The following MGST1 variants were observed in gnomAD, a reference collection of about 807,000 sequenced individuals.
The protein encoded by MGST1 is microsomal glutathione S-transferase 1.
A neutral mutation model predicts 8.9 loss-of-function variants in MGST1; 5 were observed. The observed-to-expected ratio is 0.56, with a 90% CI of 0.29 to 1.19. The LOEUF (loss-of-function observed/expected upper bound fraction) is 1.19. Ranked by LOEUF, MGST1 falls within the 50% of genes most tolerant of loss-of-function variation. MGST1 has a pLI of 0.08. For missense variants in MGST1, 182 were observed against 187.4 expected, an observed-to-expected ratio of 0.97 and a Z score of 0.17; for synonymous variants, 54 against 67.8, an observed-to-expected ratio of 0.80 and a Z score of 1.00.
chr12:16,538,827 A>G (rs1941774737), intron 4 of MGST1, among the ~76,000 whole-genome samples: 1 of 151,944 alleles, frequency 6.6e-6, no homozygotes, highest in South Asian at 2.1e-4. Context: ...CCAGGAGGGT[A>G]TCGATCTCCT....
chr12:16,552,784 G>C (rs540913581), intron 4 of MGST1, among the ~76,000 whole-genome samples: 1 of 152,114 alleles, frequency 6.6e-6, no homozygotes, highest in South Asian at 2.1e-4. Flanking sequence ...ATTCAAGTTT[G>C]GGGCTTTAAG....
In MGST1 at chr12:16,354,221, T is replaced by C. The variant is rs750710826; in HGVS notation, c.-22-10T>C. The C allele has an allele frequency of 3.2e-6, 5 of 1,555,960 alleles. No individual in the cohort carries two copies. The Admixed American group carries it at 8.5e-5, about 27-fold the overall frequency. On this transcript the variant is annotated splice_polypyrimidine_tract_variant and intron_variant, in intron 1 of 3. Coordinates refer to ENST00000396210, the MANE Select transcript of MGST1 (RefSeq NM_020300.5). The stretch of plus-strand genomic sequence containing the variant: ...TCTGCTTTTTCCCATTTTATTTAAA[T>C]CTTTTTAAGATTCCAGACCAAAATT...
In MGST1 at chr12:16,413,626, G is replaced by A. The variant is rs1450779978; in HGVS notation, n.779-23762G>A. ...AAACTCTCACTTATCCTTATAGATA[G>A]ATCTCAATTTTCTCATTTACCCTTA... On this transcript the variant is annotated intron_variant and non_coding_transcript_variant, in intron 1 of 1. Coordinates refer to the MGST1 transcript ENST00000359720. This position sits in a 1 kb window ranked among gnomAD's most constrained non-coding sequence, Gnocchi z 4.0. 6.6e-6 allele frequency among the ~76,000 whole-genome samples: 1 copy of A among 152,138 alleles called. No homozygotes were observed. Among genetic ancestry groups the A allele is most frequent in the East Asian group, 1.9e-4 (1 of 5,192 alleles).
intron 1 of MGST1, among the ~76,000 whole-genome samples, chr12:16,435,613 T>A (rs552590345): frequency 6.6e-6 from 1 of 151,970 alleles, no homozygotes; most frequent in African/African-American, 2.4e-5. Flanking sequence ...AAATATTTAT[T>A]GATCTTTTCT....
intron 4 of MGST1, among the ~76,000 whole-genome samples, chr12:16,581,779 C>G (rs1251825829): frequency 1.3e-5 from 2 of 151,910 alleles, no homozygotes; most frequent in African/African-American, 4.8e-5. Flanking sequence ...ATGCTGAACT[C>G]TAAAGCATAT....
intron 4 of MGST1, among the ~76,000 whole-genome samples, chr12:16,510,922 T>G (rs538494177): frequency 6.6e-6 from 1 of 152,178 alleles, no homozygotes; most frequent in Non-Finnish European, 1.5e-5. Flanking sequence ...TCTTTTGTAA[T>G]GGAGAATGCT....
rs1941374833 is a variant in MGST1, at chr12:16,482,981, G to C, written n.482+99377G>C. On this transcript the variant is annotated intron_variant and non_coding_transcript_variant, in intron 4 of 4. Coordinates refer to the MGST1 transcript ENST00000538857. The surrounding 1 kb of genome is among the most constrained non-coding windows in gnomAD (Gnocchi z 4.2). Reference sequence around the variant, plus strand: ...TAATGTAGGCAAGAATGTTACTTTTGGAAGGGATCCATTCTGTCATAAAAA... The same window carrying C: ...TAATGTAGGCAAGAATGTTACTTTTCGAAGGGATCCATTCTGTCATAAAAA... Among the ~76,000 whole-genome samples the C allele has an allele frequency of 6.6e-6, 1 of 152,130 alleles. No individual in the cohort carries two copies. Among genetic ancestry groups the C allele is most frequent in the Admixed American group, 6.5e-5 (1 of 15,274 alleles).
At chr12:16,437,092 G>A (rs1043565892) in intron 1 of MGST1, among the ~76,000 whole-genome samples, 47 of 152,044 alleles carry the variant, frequency 3.1e-4, no homozygotes, top group African/African-American at 1.1e-3. Flanking sequence ...GAAGCCTGGA[G>A]TACCCTGGGA....
At chr12:16,514,019 C>A in intron 4 of MGST1, 1 of 421,726 alleles carries the variant, frequency 2.4e-6, no homozygotes, top group South Asian at 2.2e-5. Context: ...CATGCTTGCT[C>A]CCATAATCCC....
At chr12:16,542,645 T>A (rs1941799368) in intron 4 of MGST1, among the ~76,000 whole-genome samples, 1 of 152,188 alleles carries the variant, frequency 6.6e-6, no homozygotes, top group Non-Finnish European at 1.5e-5. Context: ...TTCTTTTCAT[T>A]CTGTAATGGC....
chr12:16,393,167 C>T (rs1260700715), intron 1 of MGST1, among the ~76,000 whole-genome samples: 1 of 152,186 alleles, frequency 6.6e-6, no homozygotes, highest in Admixed American at 6.5e-5. Context: ...AGAGCCCCTG[C>T]CAGGCCTTTG....
chr12:16,392,274 T>A, intron 1 of MGST1, among the ~76,000 whole-genome samples: 1 of 152,198 alleles, frequency 6.6e-6, no homozygotes, highest in Non-Finnish European at 1.5e-5. Flanking sequence ...GATTGCCTCT[T>A]CACATGACGA....
At chr12:16,480,557 TAAAAGTC>T (rs1307634900) in intron 4 of MGST1, among the ~76,000 whole-genome samples, 1 of 152,122 alleles carries the variant, frequency 6.6e-6, no homozygotes, top group Non-Finnish European at 1.5e-5. Flanking sequence ...AAAGAACTCT[TAAAAGTC>T]AATAATAAAA....
intron 1 of MGST1, among the ~76,000 whole-genome samples, chr12:16,430,585 G>A (rs2137092414): frequency 6.7e-6 from 1 of 149,682 alleles, no homozygotes; most frequent in Admixed American, 6.8e-5. Context: ...CAGGTGCATT[G>A]TCAATGAGTG....
rs556103066 is a variant in MGST1 at position 16,587,670 on chromosome 12, T to G, written n.483-1858T>G. Among the ~76,000 whole-genome samples, 10 of 152,246 alleles carry G rather than the reference T, an allele frequency of 6.6e-5. No individual in the cohort carries two copies. Among genetic ancestry groups the G allele is most frequent in the African/African-American group, 9.6e-5 (4 of 41,542 alleles). On this transcript the variant is annotated intron_variant and non_coding_transcript_variant, in intron 4 of 4. Transcript: ENST00000538857. The surrounding 1 kb of genome is among the most constrained non-coding windows in gnomAD (Gnocchi z 4.3). The stretch of plus-strand genomic sequence containing the variant: ...CAAGCACTGGTCTGTCAGGAGTGCA[T>G]TTTAACAGCACGACACAAGTATTTT...
In MGST1 at chr12:16,401,741, C is replaced by G. The variant is rs1434117414; in HGVS notation, n.778+18137C>G. The G allele has an allele frequency of 1.1e-5, 18 of 1,600,328 alleles. No homozygotes were observed. Among genetic ancestry groups the G allele is most frequent in the Non-Finnish European group, 1.3e-5 (15 of 1,167,588 alleles). ...GGTCTGCCCCAGCAAGGTATTTTTTCTCTTCAACGGCCTTTTCCACAGACT... is the reference window on the plus strand; with the variant it reads ...GGTCTGCCCCAGCAAGGTATTTTTTGTCTTCAACGGCCTTTTCCACAGACT... On this transcript the variant is annotated intron_variant and non_coding_transcript_variant, in intron 1 of 1. Coordinates refer to the MGST1 transcript ENST00000359720. This position sits in a 1 kb window ranked among gnomAD's most constrained non-coding sequence, Gnocchi z 4.3.
chr12:16,382,551 G>A (rs187601152), upstream of MGST1, among the ~76,000 whole-genome samples: 189 of 152,094 alleles, frequency 1.2e-3, 1 homozygote, highest in East Asian at 0.031. Context: ...CGCCCCTACT[G>A]GGGGGGTGCC....
downstream of MGST1, among the ~76,000 whole-genome samples, chr12:16,592,186 A>G (rs1943515677): frequency 6.6e-6 from 1 of 152,078 alleles, no homozygotes; most frequent in Non-Finnish European, 1.5e-5. Flanking sequence ...TTGGCACTCA[A>G]ATATTTGTCA....
At chr12:16,474,745 A>G (rs1306865973) in intron 4 of MGST1, among the ~76,000 whole-genome samples, 1 of 152,222 alleles carries the variant, frequency 6.6e-6, no homozygotes, top group Non-Finnish European at 1.5e-5. Context: ...AATAACAGTA[A>G]TATTGATAAT....
Sources: allele counts gnomAD v4.1 joint callset (sites outside exome capture counted in the v4.1 genomes callset), GRCh38; gene constraint gnomAD v4.1.1; non-coding constraint Gnocchi (gnomAD v3.1); transcripts MANE v1.5; gene names NCBI Gene and HGNC (gene_info 2026-07-23, HGNC 2026-07-21).